The following LUZP2 variants were observed in gnomAD, a reference collection of about 807,000 sequenced individuals.
LUZP2 encodes leucine zipper protein 2.
A neutral mutation model predicts 51.6 loss-of-function variants in LUZP2; 52 were observed. The ratio of observed to expected loss-of-function variants is 1.01; its 90% CI spans 0.81 to 1.27. The LOEUF (loss-of-function observed/expected upper bound fraction) is 1.27. Ranked by LOEUF, LUZP2 falls within the 50% of genes most tolerant of loss-of-function variation. The pLI, the probability that LUZP2 is intolerant of heterozygous loss-of-function variation, is 0.00. For missense variants in LUZP2, 436 were observed against 395.4 expected, an observed-to-expected ratio of 1.10 and a Z score of -0.87; for synonymous variants, 154 against 137.3, an observed-to-expected ratio of 1.12 and a Z score of -0.85.
intron 1 of LUZP2, among the ~76,000 whole-genome samples, chr11:24,716,594 A>G (rs780066127): frequency 5.3e-5 from 8 of 152,268 alleles, no homozygotes; most frequent in Middle Eastern, 3.4e-3. Flanking sequence ...GTAAACATCA[A>G]ATTAAATAGT....
At chr11:24,891,768 T>G in intron 5 of LUZP2, 1 of 939,778 alleles carries the variant, frequency 1.1e-6, no homozygotes, top group Non-Finnish European at 1.3e-6. Flanking sequence ...CTTTTTGGAG[T>G]CTCCATAGAT....
At chr11:24,790,289 A>AT (rs1227700783) in intron 5 of LUZP2, among the ~76,000 whole-genome samples, 2 of 152,090 alleles carry the variant, frequency 1.3e-5, no homozygotes, top group East Asian at 1.9e-4. Flanking sequence ...AAAAAAATAC[A>AT]TTTTTTCTGT....
At chr11:24,887,101 C>G (rs1852689956) in intron 5 of LUZP2, among the ~76,000 whole-genome samples, 1 of 152,158 alleles carries the variant, frequency 6.6e-6, no homozygotes, top group Non-Finnish European at 1.5e-5. Context: ...CCTGCCTGAC[C>G]TCTTTCACTG....
At chr11:24,911,536 C>T (rs900886450) in intron 6 of LUZP2, among the ~76,000 whole-genome samples, 2 of 152,082 alleles carry the variant, frequency 1.3e-5, no homozygotes, top group Non-Finnish European at 2.9e-5. Flanking sequence ...GGCATTTCCC[C>T]TGCTGGCACT....
At chr11:24,925,972 T>C (rs11028281) in intron 7 of LUZP2, among the ~76,000 whole-genome samples, 56,846 of 151,658 alleles carry the variant, frequency 0.37, 13,100 homozygotes, top group East Asian at 0.72. Flanking sequence ...AGCTCCCACT[T>C]ATGAGAGAAT....
chr11:24,871,746 T>C (rs1277005831), intron 5 of LUZP2, among the ~76,000 whole-genome samples: 2 of 152,072 alleles, frequency 1.3e-5, no homozygotes, highest in East Asian at 3.8e-4. Flanking sequence ...AAAAAATGTT[T>C]ACTAGCATCT....
At chr11:24,532,347 A>C (rs1851032879) in intron 1 of LUZP2, among the ~76,000 whole-genome samples, 1 of 151,068 alleles carries the variant, frequency 6.6e-6, no homozygotes, top group African/African-American at 2.4e-5. Context: ...TGATTTATTT[A>C]AATTAAAGTC....
chr11:24,828,927 G>A (rs2631501), intron 5 of LUZP2, among the ~76,000 whole-genome samples: 151,654 of 152,290 alleles, frequency 1, 75,511 homozygotes, highest in Middle Eastern at 1. Flanking sequence ...GGTAGGAGAG[G>A]GACCAGGGAG....
chr11:24,636,066 C>T (rs1855096035), intron 1 of LUZP2, among the ~76,000 whole-genome samples: 1 of 152,050 alleles, frequency 6.6e-6, no homozygotes, highest in Admixed American at 6.6e-5. Flanking sequence ...GACTCAGTTA[C>T]CTGTAAAAAA....
At chr11:24,613,833 T>C (rs1854200619) in intron 1 of LUZP2, among the ~76,000 whole-genome samples, 1 of 152,034 alleles carries the variant, frequency 6.6e-6, no homozygotes, top group Non-Finnish European at 1.5e-5. Context: ...TAACTAGCTG[T>C]ATATTAAATC....
intron 1 of LUZP2, among the ~76,000 whole-genome samples, chr11:24,579,058 CCA>C: frequency 6.6e-6 from 1 of 151,932 alleles, no homozygotes; most frequent in East Asian, 1.9e-4. Context: ...ATAATTAATA[CCA>C]TAGAGTGCTT....
chr11:25,063,161 T>C (rs1266675850), intron 10 of LUZP2, among the ~76,000 whole-genome samples: 1 of 151,768 alleles, frequency 6.6e-6, no homozygotes, highest in Non-Finnish European at 1.5e-5. Flanking sequence ...TAAAATATAG[T>C]GTAACAACTA....
At chr11:24,822,558 G>T (rs1850392136) in intron 5 of LUZP2, among the ~76,000 whole-genome samples, 2 of 152,038 alleles carry the variant, frequency 1.3e-5, no homozygotes, top group Non-Finnish European at 2.9e-5. Flanking sequence ...CCCATTCTTT[G>T]TGATGGTTAT....
chr11:24,790,581 A>G (rs1238593686), intron 5 of LUZP2, among the ~76,000 whole-genome samples: 2 of 151,964 alleles, frequency 1.3e-5, no homozygotes, highest in Admixed American at 1.3e-4. Context: ...AGCTCACTGC[A>G]ACCTCTGCCT....
chr11:24,774,339 T>TCC (rs1848841441), intron 5 of LUZP2, among the ~76,000 whole-genome samples: 1 of 73,672 alleles, frequency 1.4e-5, no homozygotes, highest in Non-Finnish European at 2.6e-5. Context: ...AACTTCTCTC[T>TCC]CTCTCTCTCT....
intron 1 of LUZP2, among the ~76,000 whole-genome samples, chr11:24,553,325 T>C (rs1851773776): frequency 6.6e-6 from 1 of 151,956 alleles, no homozygotes; most frequent in African/African-American, 2.4e-5. Flanking sequence ...AGTGTAATAA[T>C]TTAGAACCTA....
In LUZP2 at chr11:25,077,411, GTGTT is replaced by G. The variant is rs749888399; in HGVS notation, c.936+11_936+14del. 6.3e-7 allele frequency: 1 copy of G among 1,583,440 alleles called. No individual in the cohort carries two copies. On this transcript the variant is annotated splice_donor_region_variant and intron_variant, in intron 11 of 11. Coordinates refer to ENST00000336930, the MANE Select transcript of LUZP2 (RefSeq NM_001009909.4). ...GAAACCGAGCCTATCCCACAGGTATGTGTTTGTTTTATTTCGTTTGTGTCAAAAA... is the reference window on the plus strand; with the variant it reads ...GAAACCGAGCCTATCCCACAGGTATGTGTTTTATTTCGTTTGTGTCAAAAA...
intron 9 of LUZP2, among the ~76,000 whole-genome samples, chr11:25,018,436 C>T (rs956991918): frequency 6.6e-6 from 1 of 151,988 alleles, no homozygotes; most frequent in African/African-American, 2.4e-5. Flanking sequence ...TGTCAGCATG[C>T]ATTATTTAGA....
chr11:24,965,496 C>A (rs931986899), intron 7 of LUZP2, among the ~76,000 whole-genome samples: 2 of 151,360 alleles, frequency 1.3e-5, no homozygotes, highest in Admixed American at 6.6e-5. Context: ...CACAAAAAGG[C>A]TGAATAAATT....
Sources: gnomAD v4.1 joint callset for allele counts (sites outside exome capture counted in the v4.1 genomes callset) on GRCh38, gnomAD v4.1.1 for gene constraint, MANE v1.5 for transcripts, NCBI Gene and HGNC (gene_info 2026-07-23, HGNC 2026-07-21) for gene names.